Variants in RMND1 observed in about 807,000 individuals in gnomAD.
RMND1 encodes the protein required for meiotic nuclear division 1 homolog.
Under a neutral mutation model 54.0 loss-of-function variants are expected in RMND1, and 41 were observed. The observed-to-expected ratio is 0.76, with a 90% CI of 0.59 to 0.98. RMND1 has a LOEUF of 0.98. Among genes scored for constraint, RMND1 ranks in the 50% least tolerant of loss-of-function variants. The pLI, the probability that RMND1 is intolerant of heterozygous loss-of-function variation, is 0.00. For missense variants in RMND1, 457 were observed against 532.0 expected (o/e 0.86, Z 1.39); for synonymous variants, 183 against 181.7 (o/e 1.01, Z -0.06).
At chr6:151,406,996 C>T (rs767457890) in intron 10 of RMND1, among the ~76,000 whole-genome samples, 2 of 151,866 alleles carry the variant, frequency 1.3e-5, no homozygotes, top group African/African-American at 4.8e-5. Flanking sequence ...CCTGTCTCTA[C>T]AAAAAAATTA....
At chr6:151,444,480 T>C (rs796334660) in intron 2 of RMND1, 2 of 152,236 alleles carry the variant, frequency 1.3e-5, no homozygotes, top group African/African-American at 4.8e-5. Flanking sequence ...CCAAGGGGTG[T>C]CAGCTGCACA....
intron 10 of RMND1, among the ~76,000 whole-genome samples, chr6:151,408,311 G>T (rs1356956231): frequency 1.3e-5 from 2 of 152,054 alleles, no homozygotes; most frequent in East Asian, 1.9e-4. Flanking sequence ...GGCCAACATA[G>T]CGAAACCCCG....
intron 1 of RMND1, among the ~76,000 whole-genome samples, chr6:151,447,773 A>G (rs1336748701): frequency 1.3e-5 from 2 of 149,326 alleles, no homozygotes; most frequent in Admixed American, 1.3e-4. Context: ...AAGTTTGTCT[A>G]CAGTCCTGGA....
rs1222486713 is a variant in RMND1 at position 151,438,014 on chromosome 6, ACTG to A, written c.505-1463_505-1461del. On this transcript the variant is annotated intron_variant, in intron 2 of 11. Coordinates refer to ENST00000444024, the MANE Select transcript of RMND1 (RefSeq NM_017909.4). ...GTAGTACCCTAATTATGAGCAGATA[ACTG>A]CTAATTCCTTCCAAATTAGCTAATT... is the stretch of plus-strand genomic sequence containing the variant. Among the ~76,000 whole-genome samples, 4 of 152,216 alleles carry A rather than the reference ACTG, an allele frequency of 2.6e-5. No homozygotes were observed. In the East Asian group the frequency reaches 7.7e-4, roughly 29 times the overall value.
chr6:151,421,769 C>T lies in RMND1; in HGVS notation c.1003-448G>A, dbSNP rs571000859. Among the ~76,000 whole-genome samples the T allele has an allele frequency of 9.9e-5, 15 of 152,188 alleles. No individual in the cohort carries two copies. In the East Asian group the frequency reaches 2.1e-3, roughly 22 times the overall value. ...AAATCAGGAAAAGTGGTCATAATTT[C>T]CATTCTCAGAGAGAAACATTTCACT... On this transcript the variant is annotated intron_variant, in intron 8 of 11. Coordinates refer to ENST00000444024, the MANE Select transcript of RMND1 (RefSeq NM_017909.4).
chr6:151,448,253 GCAC>G (rs1428874477), intron 1 of RMND1, among the ~76,000 whole-genome samples: 1 of 151,954 alleles, frequency 6.6e-6, no homozygotes, highest in Non-Finnish European at 1.5e-5. Flanking sequence ...TACTCTCTAA[GCAC>G]CACCTCCTAT....
chr6:151,435,819 A>G (rs1443050743), intron 3 of RMND1, among the ~76,000 whole-genome samples: 1 of 151,370 alleles, frequency 6.6e-6, no homozygotes, highest in East Asian at 2.0e-4. Flanking sequence ...AGACTAAAAT[A>G]ACGGGCTGGG....
rs757664665 is a variant in RMND1 at position 151,445,410 on chromosome 6, T to C, written c.402A>G (p.Thr134=). Residue 134 remains threonine, a synonymous_variant, in exon 2 of 12, where the codon ACA becomes ACG. Coordinates refer to ENST00000444024, the MANE Select transcript of RMND1 (RefSeq NM_017909.4). ...GTGGGAAGTCTTGTTTTGGAACAAA[T>C]GTTTCCGTTGATACAGATGAGAAAT... ...KRHFSSVSTE[T]FVPKQDFPQV... 6.2e-7 allele frequency: 1 copy of C among 1,614,076 alleles called. No individual in the cohort carries two copies. Among genetic ancestry groups the C allele is most frequent in the South Asian group, 1.1e-5 (1 of 91,078 alleles).
chr6:151,410,276 G>C (rs150479842), intron 10 of RMND1, among the ~76,000 whole-genome samples: 1,968 of 152,080 alleles, frequency 0.013, 16 homozygotes, highest in East Asian at 0.021. Context: ...AGGATGGTCT[G>C]GATCTCCTGA....
At chr6:151,416,546 C>T (rs1212576181) in intron 10 of RMND1, 2 of 151,816 alleles carry the variant, frequency 1.3e-5, no homozygotes, top group African/African-American at 4.9e-5. Flanking sequence ...GCCTCAGCCT[C>T]TCGAGTAGCT....
chr6:151,405,161 C>T lies in RMND1; in HGVS notation c.*74G>A, dbSNP rs551686153. 200 of 1,399,032 alleles carry T rather than the reference C, an allele frequency of 1.4e-4. 2 individuals are homozygous for T. The South Asian group carries it at 1.6e-3, about 11-fold the overall frequency. The allele number at this position is 1,399,032 out of a possible 1,614,324, so 86.7% of individuals were successfully genotyped here. A position where few individuals can be genotyped will look rare whatever the true frequency, so the allele number is the denominator to read the frequency against. ...CTGGGATTACAGGCATGAGGCACCGCGCCGGGCCGAACATTTAATTTTTGA... is the reference window on the plus strand; with the variant it reads ...CTGGGATTACAGGCATGAGGCACCGTGCCGGGCCGAACATTTAATTTTTGA... On this transcript the variant is annotated 3_prime_UTR_variant, in exon 12 of 12. Transcript: ENST00000444024.
chr6:151,433,825 G>GT (rs200775279), intron 3 of RMND1, among the ~76,000 whole-genome samples: 7,748 of 147,890 alleles, frequency 0.052, 271 homozygotes, highest in Non-Finnish European at 0.081. Flanking sequence ...TAAAAAAAAA[G>GT]TTTTTTTTTT....
intron 1 of RMND1, among the ~76,000 whole-genome samples, chr6:151,450,611 C>A (rs1481781028): frequency 1.3e-5 from 2 of 148,552 alleles, no homozygotes; most frequent in South Asian, 2.2e-4. Flanking sequence ...CCAGCCGCCC[C>A]GTCCGGGAGG....
At chr6:151,420,973 C>G (rs1270409314) in intron 9 of RMND1, 1 of 240,870 alleles carries the variant, frequency 4.2e-6, no homozygotes, top group African/African-American at 2.2e-5. Flanking sequence ...GTCTTTCTAC[C>G]TTCAAAGAAC....
At chr6:151,436,740 C>T in intron 2 of RMND1, 186 bp from the exon 3 acceptor site, 1 of 493,636 alleles carries the variant, frequency 2.0e-6, no homozygotes, top group Non-Finnish European at 3.5e-6. Flanking sequence ...AGGCAAATTT[C>T]AGCTCAATCT....
At chr6:151,449,812 C>T (rs1307228646) in intron 1 of RMND1, among the ~76,000 whole-genome samples, 1 of 152,234 alleles carries the variant, frequency 6.6e-6, no homozygotes, top group Non-Finnish European at 1.5e-5. Flanking sequence ...CCACGCCTGA[C>T]TGGTTTTCGT....
intron 2 of RMND1, among the ~76,000 whole-genome samples, chr6:151,440,831 T>A (rs1173227698): frequency 2.6e-5 from 4 of 152,244 alleles, no homozygotes; most frequent in African/African-American, 9.6e-5. Flanking sequence ...TCTGCTTTTT[T>A]TTCTTTATTA....
chr6:151,417,548 G>A (rs1455262019), intron 9 of RMND1, 149 bp from the exon 10 acceptor site: 1 of 584,760 alleles, frequency 1.7e-6, no homozygotes, highest in East Asian at 3.2e-5. Flanking sequence ...ATGGAGTGCA[G>A]TGGTGTGATC....
chr6:151,414,312 T>C (rs1166412324), intron 10 of RMND1, among the ~76,000 whole-genome samples: 4 of 152,168 alleles, frequency 2.6e-5, no homozygotes, highest in Non-Finnish European at 5.9e-5. Flanking sequence ...TTTGATGTGA[T>C]ACAAGGTGAA....
Sources: allele counts gnomAD v4.1 joint callset (sites outside exome capture counted in the v4.1 genomes callset), GRCh38; gene constraint gnomAD v4.1.1; transcripts MANE v1.5; gene names NCBI Gene and HGNC (gene_info 2026-07-23, HGNC 2026-07-21).